Variants in RC3H2 observed in about 807,000 individuals in gnomAD.
The protein encoded by RC3H2 is roquin-2.
In RC3H2, 31 loss-of-function variants were observed where a neutral mutation model predicts 133.3. The ratio of observed to expected loss-of-function variants is 0.23; its 90% confidence interval spans 0.17 to 0.31. The LOEUF (loss-of-function observed/expected upper bound fraction) is 0.31, where lower values mean the gene tolerates loss of function less well. Ranked by LOEUF, RC3H2 falls within the 10% of genes least tolerant of loss-of-function variation. RC3H2 has a pLI of 1.00. For missense variants in RC3H2, 1,175 were observed against 1,437.2 expected (o/e 0.82, Z 2.95); for synonymous variants, 517 against 502.2 (o/e 1.03, Z -0.40).
chr9:122,905,123 G>A lies in RC3H2; in HGVS notation c.-81C>T. Reference sequence around the variant, plus strand: ...CCCCCGCCCTACCTGAGGGGGCCCGGGCGGGGTCGCTAAGGGCCGCTCCCG... The same window carrying A: ...CCCCCGCCCTACCTGAGGGGGCCCGAGCGGGGTCGCTAAGGGCCGCTCCCG... On this transcript the variant is annotated 5_prime_UTR_variant, in exon 1 of 21. Coordinates refer to ENST00000357244, the MANE Select transcript of RC3H2 (RefSeq NM_001100588.3). 2 of 985,414 alleles carry A rather than the reference G, an allele frequency of 2.0e-6. No homozygotes were observed. Among genetic ancestry groups the A allele is most frequent in the African/African-American group, 3.5e-5 (2 of 57,370 alleles). 61.0% of individuals were successfully genotyped at this position (985,414 alleles called of 1,614,324 possible).
In RC3H2 at chr9:122,855,311, A is replaced by G. The variant is rs767356938; in HGVS notation, c.2688T>C (p.Phe896=). 9.3e-6 allele frequency: 15 copies of G among 1,614,076 alleles called. No homozygotes were observed. In the South Asian group the frequency reaches 1.5e-4, roughly 17 times the overall value. The part of the protein sequence containing the change: ...RTKEEDPIIP[F]SDGPIISKWG... ...ATTTTGAGATGATGGGTCCATCACT[A>G]AAGGGAATTATTGGATCTTCTTCTT... is the stretch of plus-strand genomic sequence containing the variant. Residue 896 remains phenylalanine (F), a synonymous_variant, in exon 15 of 21, where the codon TTT becomes TTC. Transcript: ENST00000357244.
intron 10 of RC3H2, among the ~76,000 whole-genome samples, chr9:122,862,473 A>T (rs1830492816): frequency 6.6e-6 from 1 of 152,172 alleles, no homozygotes; most frequent in Admixed American, 6.5e-5. Context: ...TTTTGGAAAT[A>T]GCTCAGGTAT....
chr9:122,859,274 T>TTTTTTTTTTTTTG (rs1491172398), intron 11 of RC3H2, among the ~76,000 whole-genome samples, 172 bp from the exon 12 acceptor site: 4 of 95,550 alleles, frequency 4.2e-5, no homozygotes, highest in Non-Finnish European at 9.9e-5. Context: ...TTTTTTTTTT[T>TTTTTTTTTTTTTG]GGTAGAGACA....
intron 10 of RC3H2, among the ~76,000 whole-genome samples, 181 bp from the exon 11 acceptor site, chr9:122,860,312 C>T (rs1170557552): frequency 2.0e-5 from 3 of 151,824 alleles, no homozygotes; most frequent in Non-Finnish European, 4.4e-5. Flanking sequence ...TTCACGTGAT[C>T]ATCGTAACAG....
At chr9:122,860,534 C>T (rs546335779) in intron 10 of RC3H2, among the ~76,000 whole-genome samples, 2 of 151,598 alleles carry the variant, frequency 1.3e-5, no homozygotes, top group African/African-American at 4.9e-5. Flanking sequence ...CCACCTCAGC[C>T]TCCCAAGCAG....
chr9:122,855,961 G>A, intron 13 of RC3H2, 83 bp from the exon 14 acceptor site: 1 of 1,076,918 alleles, frequency 9.3e-7, no homozygotes, highest in African/African-American at 1.6e-5. Flanking sequence ...AACTATTATA[G>A]AATTCAGAGG....
intron 2 of RC3H2, among the ~76,000 whole-genome samples, chr9:122,896,864 A>G (rs1832440086): frequency 1.3e-5 from 2 of 151,822 alleles, no homozygotes; most frequent in African/African-American, 4.8e-5. Flanking sequence ...CTCTACTAAA[A>G]ATACAAAAAA....
At chr9:122,902,603 G>T (rs2793007) in intron 1 of RC3H2, among the ~76,000 whole-genome samples, 1 of 151,940 alleles carries the variant, frequency 6.6e-6, no homozygotes. Flanking sequence ...CCAGCACTTT[G>T]GGAGGCGGAG....
chr9:122,889,770 G>A, intron 4 of RC3H2, among the ~76,000 whole-genome samples: 1 of 152,110 alleles, frequency 6.6e-6, no homozygotes. Context: ...TATCTTGATG[G>A]CAATTGAAGC....
chr9:122,856,956 T>C (rs893112256), intron 13 of RC3H2, among the ~76,000 whole-genome samples: 4 of 152,342 alleles, frequency 2.6e-5, no homozygotes, highest in African/African-American at 9.6e-5. Flanking sequence ...TGTCAAGATA[T>C]TTACCTGCTT....
intron 9 of RC3H2, chr9:122,874,970 G>C (rs1263427961): frequency 2.0e-6 from 1 of 501,212 alleles, no homozygotes; most frequent in African/African-American, 1.9e-5. Context: ...ATTGAGGGTG[G>C]AATGGCAATG....
Position 122,849,665 on chromosome 9 carries a change from A to G in RC3H2, c.3538T>C (p.Leu1180=), listed in dbSNP as rs1389591012. 1.9e-6 allele frequency: 3 copies of G among 1,613,434 alleles called. No individual in the cohort carries two copies. Among genetic ancestry groups the G allele is most frequent in the Non-Finnish European group, 2.5e-6 (3 of 1,179,800 alleles). The change falls in exon 21 of 21, where the codon TTA becomes CTA. Residue 1180 remains leucine (L), a synonymous_variant. Coordinates refer to ENST00000357244, the MANE Select transcript of RC3H2 (RefSeq NM_001100588.3). ...HVMSEDKNDF[L]KPVANGKMVN... ...ATCTTCCCATTTGCAACAGGTTTTAAAAAGTCGTTTTTATCTTCAGACATA... is the reference window on the plus strand; with the variant it reads ...ATCTTCCCATTTGCAACAGGTTTTAGAAAGTCGTTTTTATCTTCAGACATA...
chr9:122,856,586 G>A (rs1830257768), intron 13 of RC3H2, among the ~76,000 whole-genome samples: 1 of 152,134 alleles, frequency 6.6e-6, no homozygotes, highest in Non-Finnish European at 1.5e-5. Context: ...AAAAGAACAT[G>A]TGCAAATAAG....
chr9:122,852,188 C>A (rs1394215193), intron 18 of RC3H2, among the ~76,000 whole-genome samples: 1 of 151,428 alleles, frequency 6.6e-6, no homozygotes, highest in African/African-American at 2.4e-5. Flanking sequence ...GCCCGGCCGC[C>A]ACCCCGTCTG....
chr9:122,896,766 T>C (rs1832435294), intron 2 of RC3H2, among the ~76,000 whole-genome samples: 2 of 152,160 alleles, frequency 1.3e-5, no homozygotes, highest in Middle Eastern at 3.4e-3. Flanking sequence ...CTCACACCTG[T>C]AGTCCTAGCA....
At chr9:122,851,502 T>G (rs1035176892) in intron 18 of RC3H2, 66 bp from the exon 19 acceptor site, 1 of 1,565,694 alleles carries the variant, frequency 6.4e-7, no homozygotes. Context: ...CCTCTCCCCA[T>G]GGTCTCCCTC....
chr9:122,855,840 A>G lies in RC3H2; in HGVS notation c.2493T>C (p.Asp831=), dbSNP rs1477869262. 4 of 1,613,532 alleles carry G rather than the reference A, an allele frequency of 2.5e-6. No individual in the cohort carries two copies. The highest frequency in any genetic ancestry group is 2.5e-6 in the Non-Finnish European group (3 of 1,179,730). The change falls in exon 14 of 21, where the codon GAT becomes GAC. Residue 831 remains aspartate, a synonymous_variant. Coordinates refer to ENST00000357244, the MANE Select transcript of RC3H2 (RefSeq NM_001100588.3). The stretch of plus-strand genomic sequence containing the variant: ...ACCAGGGAGAATAATGGGAAAGATG[A>G]TCTTCTTCAAATTTTGTACCACTCA... The part of the protein sequence containing the change: ...ESVSGTKFEE[D]HLSHYSPWSC...
intron 10 of RC3H2, among the ~76,000 whole-genome samples, chr9:122,863,961 G>A (rs113911016): frequency 3.2e-4 from 48 of 152,164 alleles, no homozygotes; most frequent in Non-Finnish European, 6.3e-4. Context: ...GGTCTTGAAC[G>A]CCCAACCTCA....
At chr9:122,881,445 G>A (rs1588094868) in intron 5 of RC3H2, among the ~76,000 whole-genome samples, 2 of 128,308 alleles carry the variant, frequency 1.6e-5, no homozygotes, top group African/African-American at 2.9e-5. Flanking sequence ...GGGACAGAGT[G>A]AGACTCCGTC....
Sources: allele counts gnomAD v4.1 joint callset (sites outside exome capture counted in the v4.1 genomes callset), GRCh38; gene constraint gnomAD v4.1.1; transcripts MANE v1.5; gene names NCBI Gene and HGNC (gene_info 2026-07-23, HGNC 2026-07-21).